Variants in MALRD1 observed in about 807,000 individuals in gnomAD.
MALRD1 encodes the protein MAM and LDL receptor class A domain containing 1.
MALRD1 carries 247 observed loss-of-function variants against 242.1 expected under a neutral mutation model. The observed-to-expected ratio is 1.02, with a 90% confidence interval of 0.92 to 1.13. The LOEUF (loss-of-function observed/expected upper bound fraction) is 1.13, where lower values mean the gene tolerates loss of function less well. Among genes scored for constraint, MALRD1 ranks in the 50% most tolerant of loss-of-function variants. The pLI, the probability that MALRD1 is intolerant of heterozygous loss-of-function variation, is 0.00. For missense variants in MALRD1, 2,989 were observed against 2,533.1 expected (o/e 1.18, Z -3.86); for synonymous variants, 995 against 866.6 (o/e 1.15, Z -2.60).
chr10:19,671,548 G>A (rs2131762686), intron 36 of MALRD1, among the ~76,000 whole-genome samples: 1 of 152,082 alleles, frequency 6.6e-6, no homozygotes, highest in East Asian at 1.9e-4. Flanking sequence ...AACCGAGGAG[G>A]CGGAGGATAG....
intron 24 of MALRD1, among the ~76,000 whole-genome samples, chr10:19,333,213 A>T (rs1843464634): frequency 6.6e-6 from 1 of 151,974 alleles, no homozygotes; most frequent in Admixed American, 6.6e-5. Flanking sequence ...ATGTTGTGTG[A>T]TGGGGAGATT....
intron 33 of MALRD1, among the ~76,000 whole-genome samples, chr10:19,574,495 C>T (rs990538704): frequency 5.3e-5 from 8 of 152,044 alleles, no homozygotes; most frequent in Non-Finnish European, 7.4e-5. Flanking sequence ...AGAGAGATCG[C>T]GAACAAGAGA....
At chr10:19,355,076 G>GTGTAGCCCCT (rs1331914452) in intron 26 of MALRD1, among the ~76,000 whole-genome samples, 2 of 152,080 alleles carry the variant, frequency 1.3e-5, no homozygotes, top group Non-Finnish European at 2.9e-5. Context: ...TTGTAGGGCA[G>GTGTAGCCCCT]GGGCAGTGGA....
Position 19,204,369 on chromosome 10 carries a change from C to A in MALRD1, c.2166C>A (p.Ser722Arg). 6.5e-7 allele frequency: 1 copy of A among 1,548,646 alleles called. No individual in the cohort carries two copies. Among genetic ancestry groups the A allele is most frequent in the Non-Finnish European group, 8.7e-7 (1 of 1,146,414 alleles). The change falls in exon 16 of 40, where the codon AGC becomes AGA. Residue 722 changes from serine (S) to arginine (R), a missense_variant. By Grantham distance (110) the Ser-to-Arg change is moderately radical (BLOSUM62 -1). Coordinates refer to ENST00000454679, the MANE Select transcript of MALRD1 (RefSeq NM_001142308.3). ...TGTGGCAAGTTGCTAAGCTTCAGAG[C>A]CCAACTTTCAGCCAGACAGGACCTG... is the stretch of plus-strand genomic sequence containing the variant. ...SSLWQVAKLQ[S>R]PTFSQTGPGC... is the part of the protein sequence containing the mutation.
intron 33 of MALRD1, among the ~76,000 whole-genome samples, chr10:19,587,493 T>C (rs1191103074): frequency 6.6e-6 from 1 of 152,202 alleles, no homozygotes. Flanking sequence ...AAGGTAAAAA[T>C]CCATCAGATT....
In MALRD1 at chr10:19,308,032, G is replaced by A. The variant is rs1842287408; in HGVS notation, c.3420-15917G>A. Among the ~76,000 whole-genome samples, 3 of 151,524 alleles carry A rather than the reference G, an allele frequency of 2.0e-5. No individual in the cohort carries two copies. The South Asian group carries it at 6.2e-4, about 31-fold the overall frequency. On this transcript the variant is annotated intron_variant, in intron 21 of 39. Transcript: ENST00000454679. ...GAATTTATCCTTTGTGTTAAAAACA[G>A]TCCAATTACATTCTTTTAGTTATTT...
chr10:19,104,007 C>G lies in MALRD1; in HGVS notation c.626C>G (p.Thr209Arg). The change falls in exon 5 of 40, where the codon ACG becomes AGG. Residue 209 changes from threonine to arginine, a missense_variant. Coordinates refer to ENST00000454679, the MANE Select transcript of MALRD1 (RefSeq NM_001142308.3). ...GTTTTTGAAGGTCAAATGGCTTCAA[C>G]GTATGAACAGGATGAAGTCATTGCT... ...QVVFEGQMASTYEQDEVIAID... is the reference protein window; with the variant it reads ...QVVFEGQMASRYEQDEVIAID... The G allele has an allele frequency of 8.1e-7, 1 of 1,233,766 alleles. No individual in the cohort carries two copies. The allele number at this position is 1,233,766 out of a possible 1,614,324, so 76.4% of individuals were successfully genotyped here. A position where few individuals can be genotyped will look rare whatever the true frequency, so the allele number is the denominator to read the frequency against.
At chr10:19,153,544 A>C (rs994293106) in intron 11 of MALRD1, among the ~76,000 whole-genome samples, 1 of 152,018 alleles carries the variant, frequency 6.6e-6, no homozygotes, top group African/African-American at 2.4e-5. Flanking sequence ...AAATTTAAAA[A>C]TTTGCTGTAT....
At chr10:19,401,774 C>T (rs1221374415) in intron 28 of MALRD1, among the ~76,000 whole-genome samples, 1 of 151,614 alleles carries the variant, frequency 6.6e-6, no homozygotes, top group Non-Finnish European at 1.5e-5. Context: ...AACAGGCACA[C>T]ACTGGCCACC....
chr10:19,327,622 T>A lies in MALRD1; in HGVS notation c.3636T>A (p.Gly1212=), dbSNP rs1434810280. Reference sequence around the variant, plus strand: ...TGTGGGCTCAAACTGGACAGCAAGGTGCACAGTGGAAGAGAGCAGAAGTGT... The same window carrying A: ...TGTGGGCTCAAACTGGACAGCAAGGAGCACAGTGGAAGAGAGCAGAAGTGT... The part of the protein sequence containing the change: ...SKLWAQTGQQ[G]AQWKRAEVFL... Residue 1212 remains glycine (G), a synonymous_variant, in exon 23 of 40, where the codon GGT becomes GGA. Transcript: ENST00000454679. 3 of 1,549,946 alleles carry A rather than the reference T, an allele frequency of 1.9e-6. No individual in the cohort carries two copies. The highest frequency in any genetic ancestry group is 2.6e-6 in the Non-Finnish European group (3 of 1,146,430).
chr10:19,707,021 C>A (rs1468928027), intron 38 of MALRD1, among the ~76,000 whole-genome samples: 4 of 151,278 alleles, frequency 2.6e-5, no homozygotes, highest in Non-Finnish European at 4.4e-5. Flanking sequence ...TCTTCTCTTC[C>A]TCCTTCTCCT....
intron 31 of MALRD1, among the ~76,000 whole-genome samples, chr10:19,529,289 A>AAAT (rs1435887264): frequency 6.6e-6 from 1 of 152,300 alleles, no homozygotes; most frequent in Non-Finnish European, 1.5e-5. Context: ...GAATAATTGA[A>AAAT]AATACTCTGT....
At chr10:19,199,813 T>TAAATAAAATAAAATAAAATA (rs10631948) in intron 14 of MALRD1, among the ~76,000 whole-genome samples, 2,676 of 148,622 alleles carry the variant, frequency 0.018, 72 homozygotes, top group African/African-American at 0.061. Flanking sequence ...AATAAATAAA[T>TAAATAAAATAAAATAAAATA]AAATAAAATA....
intron 33 of MALRD1, among the ~76,000 whole-genome samples, chr10:19,594,983 A>T (rs2131557553): frequency 6.6e-6 from 1 of 152,284 alleles, no homozygotes; most frequent in South Asian, 2.1e-4. Flanking sequence ...AAATTATTGA[A>T]ATTAAAATAA....
At chr10:19,376,969 T>C (rs1845638640) in intron 26 of MALRD1, among the ~76,000 whole-genome samples, 1 of 152,196 alleles carries the variant, frequency 6.6e-6, no homozygotes, top group East Asian at 1.9e-4. Flanking sequence ...GACTCTTTTA[T>C]TTTTCAAATT....
At chr10:19,264,456 C>CTTT (rs1261988988) in intron 19 of MALRD1, among the ~76,000 whole-genome samples, 3 of 111,602 alleles carry the variant, frequency 2.7e-5, no homozygotes, top group Admixed American at 9.2e-5. Flanking sequence ...TTTTCTTTTT[C>CTTT]TTTTTTTTTT....
intron 28 of MALRD1, among the ~76,000 whole-genome samples, chr10:19,407,257 G>T (rs991246059): frequency 2.0e-5 from 3 of 152,082 alleles, no homozygotes; most frequent in African/African-American, 7.2e-5. Context: ...ATTCCTTTAA[G>T]CCAGGAGTTC....
chr10:19,710,894 G>C (rs1373659313), intron 38 of MALRD1: 3 of 151,756 alleles, frequency 2.0e-5, no homozygotes, highest in African/African-American at 7.3e-5. Flanking sequence ...CAGTGTAGAT[G>C]AATGTGTTGT....
In MALRD1 at chr10:19,051,847, G is replaced by A. The variant is rs550088267; in HGVS notation, c.199+2710G>A. 286 of 164,528 alleles carry A rather than the reference G, an allele frequency of 1.7e-3. 4 individuals carry two copies. The highest frequency in any genetic ancestry group is 6.7e-3 in the African/African-American group (268 of 40,280). The allele number at this position is 164,528 out of a possible 1,614,324, so 10.2% of individuals were successfully genotyped here. A position where few individuals can be genotyped will look rare whatever the true frequency, so the allele number is the denominator to read the frequency against. On this transcript the variant is annotated intron_variant, in intron 1 of 39. Transcript: ENST00000454679. ...TGAGGCAGGAGAATGGTGTGAACCCGGGATGCGGACCTTGCAGTGAGCCAA... is the reference window on the plus strand; with the variant it reads ...TGAGGCAGGAGAATGGTGTGAACCCAGGATGCGGACCTTGCAGTGAGCCAA...
Sources: gnomAD v4.1 joint callset for allele counts (sites outside exome capture counted in the v4.1 genomes callset) on GRCh38, gnomAD v4.1.1 for gene constraint, MANE v1.5 for transcripts, NCBI Gene and HGNC (gene_info 2026-07-23, HGNC 2026-07-21) for gene names.